PTCH1: variants seen among roughly 807,000 people sequenced by gnomAD.
PTCH1 encodes protein patched homolog 1.
In PTCH1, 14 loss-of-function variants were observed where a neutral mutation model predicts 144.6. That is an observed-to-expected ratio of 0.10 (90% CI 0.06 to 0.15). PTCH1 has a LOEUF of 0.15. Among genes scored for constraint, PTCH1 ranks in the 10% least tolerant of loss-of-function variants. PTCH1 has a pLI of 1.00. For missense variants in PTCH1, 1,623 were observed against 1,948.3 expected, an observed-to-expected ratio of 0.83 and a Z score of 3.14; for synonymous variants, 833 against 793.6, an observed-to-expected ratio of 1.05 and a Z score of -0.83.
intron 2 of PTCH1, among the ~76,000 whole-genome samples, chr9:95,496,806 G>A (rs879515180): frequency 2.0e-5 from 3 of 152,008 alleles, no homozygotes; most frequent in Non-Finnish European, 2.9e-5. Flanking sequence ...AGGCAGCTAG[G>A]AAAAATTCTT....
rs370354759 is a variant in PTCH1 at position 95,478,168 on chromosome 9, C to G, written c.1234G>C (p.Ala412Pro). 1.2e-6 allele frequency: 2 copies of G among 1,614,108 alleles called. No homozygotes were observed. Among genetic ancestry groups the G allele is most frequent in the Middle Eastern group, 1.7e-4 (1 of 6,060 alleles). Residue 412 changes from alanine to proline, a missense_variant, in exon 9 of 24, where the codon GCA (alanine) becomes CCA (proline). Around this residue, in one of 7 missense-constraint regions of PTCH1, gnomAD observed 230 missense variants for 271.0 expected, o/e 0.85. Coordinates refer to ENST00000331920, the MANE Select transcript of PTCH1 (RefSeq NM_000264.5). ...TYVEVVHQSV[A>P]QNSTQKVLSF... is the part of the protein sequence containing the mutation. ...AGCACCTTTTGAGTGGAGTTCTGTG[C>G]GACACTCTGATGAACCACCTGTGGT...
intron 7 of PTCH1, among the ~76,000 whole-genome samples, chr9:95,479,458 C>T (rs1394284854): frequency 3.3e-5 from 5 of 152,104 alleles, no homozygotes; most frequent in Non-Finnish European, 5.9e-5. Flanking sequence ...ACAGATACAC[C>T]GGGCTCAGTG....
intron 3 of PTCH1, chr9:95,483,079 C>T (rs1005281211): frequency 2.0e-5 from 3 of 151,668 alleles, no homozygotes; most frequent in Non-Finnish European, 2.9e-5. Context: ...GCCTGGGTGA[C>T]AGAGAGTGAC....
chr9:95,468,609 T>C (rs909140906), intron 14 of PTCH1, 142 bp downstream of exon 14: 8 of 1,124,750 alleles, frequency 7.1e-6, no homozygotes, highest in Non-Finnish European at 1.1e-5. Flanking sequence ...GCATTGACTT[T>C]TGGAGGACTG....
In PTCH1 at chr9:95,456,279, A is replaced by G. The variant is rs1588535331; in HGVS notation, c.3303T>C (p.Ala1101=). ...GIGVEFTVHV[A]LAFLTAIGDK... is the part of the protein sequence containing the mutation. ...TTGCTTCAAATGTCTCCCATACCAAAGCAACGTGAACGGTGAACTCCACTC... is the reference window on the plus strand; with the variant it reads ...TTGCTTCAAATGTCTCCCATACCAAGGCAACGTGAACGGTGAACTCCACTC... Residue 1101 remains alanine, a synonymous_variant, in exon 19 of 24, where the codon GCT becomes GCC. Transcript: ENST00000331920. 1 of 1,613,710 alleles carries G rather than the reference A, an allele frequency of 6.2e-7. No individual in the cohort carries two copies. Among genetic ancestry groups the G allele is most frequent in the African/African-American group, 1.3e-5 (1 of 74,930 alleles).
chr9:95,485,594 T>G, intron 3 of PTCH1, 91 bp downstream of exon 3: 1 of 1,504,510 alleles, frequency 6.6e-7, no homozygotes, highest in East Asian at 2.3e-5. Context: ...CCAGGGCAAC[T>G]TCATTTACTA....
intron 16 of PTCH1, among the ~76,000 whole-genome samples, chr9:95,461,635 T>C (rs1011177258): frequency 4.6e-5 from 7 of 152,218 alleles, no homozygotes; most frequent in Admixed American, 6.5e-5. Flanking sequence ...GCCTGTCCCA[T>C]TTGACAGATG....
chr9:95,506,339 C>T (rs1350314218), intron 2 of PTCH1, 68 bp downstream of exon 2: 8 of 1,537,358 alleles, frequency 5.2e-6, no homozygotes, highest in African/African-American at 1.4e-5. Flanking sequence ...TGTGCGCTGG[C>T]GAATATCTCT....
At position 95,447,398 on chromosome 9, in the gene PTCH1, G is replaced by A. The variant is rs1222530728; in HGVS notation, c.3858C>T (p.Pro1286=). The A allele has an allele frequency of 1.2e-6, 2 of 1,609,358 alleles. No individual in the cohort carries two copies. The highest frequency in any genetic ancestry group is 1.7e-6 in the Non-Finnish European group (2 of 1,177,712). ...GAGGCAGGGACCCTGAGTCCAGGTG[G>A]GGCTGCTGTCTCGGGTTCGAGGGTG... ...HHPPSNPRQQ[P]HLDSGSLPPG... is the part of the protein sequence containing the mutation. Residue 1286 remains proline (P), a synonymous_variant, in exon 23 of 24, where the codon CCC becomes CCT. Transcript: ENST00000331920.
chr9:95,450,326 C>A, intron 20 of PTCH1: 2 of 313,000 alleles, frequency 6.4e-6, no homozygotes, highest in Non-Finnish European at 1.2e-5. Context: ...GGGCCCCGCT[C>A]GTGAAAACCC....
chr9:95,446,953 C>T lies in PTCH1; in HGVS notation c.4303G>A (p.Val1435Met), dbSNP rs587778632. 1.7e-5 allele frequency: 27 copies of T among 1,614,094 alleles called. No homozygotes were observed. Among genetic ancestry groups the T allele is most frequent in the South Asian group, 8.8e-5 (8 of 91,086 alleles). Residue 1435 changes from valine (V) to methionine (M), a missense_variant, in exon 23 of 24, where the codon GTG (valine) becomes ATG (methionine). By Grantham distance (21) the Val-to-Met change is conservative (BLOSUM62 1). Transcript: ENST00000331920. ...CCCCGGGGCCTCTCCTCGCATTCCA[C>T]GTCCTGCAGCTCAATGACTTCCACC... ...SKVEVIELQD[V>M]ECEERPRGSS...
chr9:95,448,859 T>C (rs1264791047), intron 22 of PTCH1, among the ~76,000 whole-genome samples: 1 of 152,234 alleles, frequency 6.6e-6, no homozygotes, highest in Non-Finnish European at 1.5e-5. Flanking sequence ...TTATCCTTTA[T>C]GAGATCAAAC....
intron 5 of PTCH1, among the ~76,000 whole-genome samples, chr9:95,481,497 A>T (rs936868531): frequency 6.6e-6 from 1 of 152,234 alleles, no homozygotes; most frequent in Non-Finnish European, 1.5e-5. Context: ...TTCCCCCTTA[A>T]ATGCCATTAG....
Position 95,449,666 on chromosome 9 carries a change from C to T in PTCH1, c.3549+175G>A, listed in dbSNP as rs973274418. ...TGATTTAGAGGAACCAAACCGAACC[C>T]GCCCTCTAGCCCTCAAAGCCAGTAC... On this transcript the variant is annotated intron_variant, in intron 21 of 23. Coordinates refer to ENST00000331920, the MANE Select transcript of PTCH1 (RefSeq NM_000264.5). This position sits in a 1 kb window ranked among gnomAD's most constrained non-coding sequence, Gnocchi z 5.3. 34 of 733,614 alleles carry T rather than the reference C, an allele frequency of 4.6e-5. No homozygotes were observed. The highest frequency in any genetic ancestry group is 7.0e-5 in the Non-Finnish European group (30 of 429,780). 45.4% of individuals were successfully genotyped at this position (733,614 alleles called of 1,614,324 possible).
At chr9:95,484,202 C>A (rs1034340525) in intron 3 of PTCH1, 1 of 152,224 alleles carries the variant, frequency 6.6e-6, no homozygotes, top group African/African-American at 2.4e-5. Flanking sequence ...CAACCTGGCT[C>A]CCCACAGGGA....
upstream of PTCH1, among the ~76,000 whole-genome samples, chr9:95,513,010 C>G (rs554271135): frequency 2.0e-5 from 3 of 152,336 alleles, no homozygotes; most frequent in Non-Finnish European, 2.9e-5. Flanking sequence ...AAAGCAGATG[C>G]CTTAAGCTCT....
At chr9:95,473,437 C>T (rs772425235) in intron 12 of PTCH1, among the ~76,000 whole-genome samples, 47 of 151,966 alleles carry the variant, frequency 3.1e-4, no homozygotes, top group Non-Finnish European at 5.6e-4. Flanking sequence ...TACATAATGG[C>T]CAATTTTGAG....
At chr9:95,478,321 C>T in intron 8 of PTCH1, 135 bp from the exon 9 acceptor site, 2 of 1,347,450 alleles carry the variant, frequency 1.5e-6, no homozygotes, top group Non-Finnish European at 2.1e-6. Context: ...CTACGTGATT[C>T]CAGGGCAGGG....
At chr9:95,477,506 G>A in intron 10 of PTCH1, 41 bp downstream of exon 10, 2 of 1,613,748 alleles carry the variant, frequency 1.2e-6, no homozygotes, top group Non-Finnish European at 1.7e-6. Flanking sequence ...GGGCCGGGTG[G>A]CATTTGTCAA....
Sources: gnomAD v4.1 joint callset for allele counts (sites outside exome capture counted in the v4.1 genomes callset) on GRCh38, gnomAD v4.1.1 for gene constraint, gnomAD v4.1.1 regional missense constraint, Gnocchi (gnomAD v3.1) non-coding constraint, MANE v1.5 for transcripts, NCBI Gene and HGNC (gene_info 2026-07-23, HGNC 2026-07-21) for gene names.